The following EYS variants were observed in gnomAD, a reference collection of about 807,000 sequenced individuals.
EYS encodes the protein EGF-like photoreceptor maintenance factor.
A neutral mutation model predicts 282.1 loss-of-function variants in EYS; 250 were observed. The observed-to-expected ratio is 0.89, with a 90% CI of 0.80 to 0.98. The LOEUF is 0.98. EYS is among the 50% of genes least tolerant of loss of function. The pLI is 0.00. For missense variants in EYS, 4,016 were observed against 3,709.0 expected, an observed-to-expected ratio of 1.08 and a Z score of -2.15; for synonymous variants, 1,355 against 1,282.9, an observed-to-expected ratio of 1.06 and a Z score of -1.20.
intron 33 of EYS, among the ~76,000 whole-genome samples, chr6:64,005,179 T>C (rs1393556645): frequency 6.6e-6 from 1 of 152,232 alleles, no homozygotes; most frequent in African/African-American, 2.4e-5. Context: ...AGATGGTATC[T>C]CCTTGTGGTT....
At chr6:65,251,329 G>A (rs1291434495) in intron 12 of EYS, among the ~76,000 whole-genome samples, 2 of 151,434 alleles carry the variant, frequency 1.3e-5, no homozygotes, top group East Asian at 3.9e-4. Flanking sequence ...ATCAACGTAT[G>A]TAAAATAAAC....
intron 28 of EYS, among the ~76,000 whole-genome samples, chr6:64,417,059 T>A (rs73455406): frequency 6.6e-6 from 1 of 152,160 alleles, no homozygotes; most frequent in Admixed American, 6.6e-5. Flanking sequence ...GGTACTGCAA[T>A]AATAATGACA....
intron 12 of EYS, among the ~76,000 whole-genome samples, chr6:65,161,877 A>C: frequency 6.6e-6 from 1 of 151,272 alleles, no homozygotes; most frequent in Admixed American, 6.6e-5. Flanking sequence ...TAGGTCAAAC[A>C]TTCTAAAATC....
chr6:64,688,347 T>C (rs1770239494), intron 22 of EYS, among the ~76,000 whole-genome samples: 1 of 152,214 alleles, frequency 6.6e-6, no homozygotes, highest in Non-Finnish European at 1.5e-5. Context: ...TCCTGCTTTC[T>C]CTTATGGGCA....
intron 12 of EYS, among the ~76,000 whole-genome samples, chr6:65,215,092 C>T (rs1180470292): frequency 1.3e-5 from 2 of 152,084 alleles, no homozygotes; most frequent in African/African-American, 4.8e-5. Context: ...AACATTCATT[C>T]TGCAGTCCAT....
intron 36 of EYS, among the ~76,000 whole-genome samples, chr6:63,846,288 G>T (rs1210147095): frequency 1.3e-5 from 2 of 152,202 alleles, no homozygotes; most frequent in South Asian, 2.1e-4. Flanking sequence ...AGCCCCCTTT[G>T]GTGTTTGCTG....
At chr6:64,564,461 T>C (rs1028727051) in intron 26 of EYS, among the ~76,000 whole-genome samples, 14 of 151,454 alleles carry the variant, frequency 9.2e-5, no homozygotes, top group Non-Finnish European at 1.9e-4. Context: ...ATTATTATTT[T>C]TAATAGAGAA....
chr6:64,418,131 C>G (rs1386918878), intron 28 of EYS, among the ~76,000 whole-genome samples: 1 of 151,954 alleles, frequency 6.6e-6, no homozygotes, highest in Admixed American at 6.6e-5. Flanking sequence ...AGTTCCCTAC[C>G]CAACTCTTCC....
chr6:64,323,573 T>C (rs1368523551), intron 29 of EYS, among the ~76,000 whole-genome samples: 1 of 152,124 alleles, frequency 6.6e-6, no homozygotes, highest in African/African-American at 2.4e-5. Context: ...TGTGATATAT[T>C]TGGGTTCATG....
intron 35 of EYS, among the ~76,000 whole-genome samples, chr6:63,957,453 C>T (rs1000869852): frequency 7.1e-6 from 1 of 140,314 alleles, no homozygotes; most frequent in African/African-American, 2.4e-5. Flanking sequence ...TTTGGGGTTA[C>T]AAATACATTT....
chr6:64,909,708 C>T (rs1479213677), intron 16 of EYS, among the ~76,000 whole-genome samples: 1 of 151,812 alleles, frequency 6.6e-6, no homozygotes, highest in African/African-American at 2.4e-5. Context: ...CTTAACTATA[C>T]CGATAATTTT....
At chr6:64,603,254 C>T (rs1330327856) in intron 24 of EYS, among the ~76,000 whole-genome samples, 1 of 151,996 alleles carries the variant, frequency 6.6e-6, no homozygotes, top group African/African-American at 2.4e-5. Context: ...TCCTCTTCCC[C>T]CACTTCTACT....
At chr6:64,244,055 T>C (rs1766925884) in intron 30 of EYS, among the ~76,000 whole-genome samples, 1 of 152,194 alleles carries the variant, frequency 6.6e-6, no homozygotes, top group Non-Finnish European at 1.5e-5. Flanking sequence ...TAAAAACTAT[T>C]AGAAAATTCA....
chr6:64,944,987 AC>A (rs199571512), intron 15 of EYS, among the ~76,000 whole-genome samples: 6,174 of 151,834 alleles, frequency 0.041, 146 homozygotes, highest in South Asian at 0.092. Context: ...CCTTATTATC[AC>A]CCTGCCCTCC....
At chr6:64,490,849 T>A (rs566642048) in intron 26 of EYS, among the ~76,000 whole-genome samples, 2 of 150,886 alleles carry the variant, frequency 1.3e-5, no homozygotes, top group Non-Finnish European at 3.0e-5. Context: ...ATATAAAGCA[T>A]CAGTTTTTAC....
At chr6:65,522,505 A>C (rs1047529141) in intron 2 of EYS, among the ~76,000 whole-genome samples, 2 of 151,920 alleles carry the variant, frequency 1.3e-5, no homozygotes, top group African/African-American at 2.4e-5. Flanking sequence ...TGGGGTGGAG[A>C]TGGGTTGTTT....
Position 63,788,204 on chromosome 6 carries a change from C to T in EYS, c.7624G>A (p.Val2542Ile). The T allele has an allele frequency of 1.3e-6, 2 of 1,546,942 alleles. No individual in the cohort carries two copies. The highest frequency in any genetic ancestry group is 1.7e-6 in the Non-Finnish European group (2 of 1,144,936). ...AACTGACTGAAGACATTGAGACCAA[C>T]CAGTCTTCCTGGGGCGATAATGGAT... ...NKSIIAPGRL[V>I]GLNVFSQFYV... is the part of the protein sequence containing the mutation. Residue 2542 changes from valine (V) to isoleucine (I), a missense_variant, in exon 39 of 43, where the codon GTT (valine) becomes ATT (isoleucine). By Grantham distance (29) the Val-to-Ile change is conservative. Coordinates refer to ENST00000503581, the MANE Select transcript of EYS (RefSeq NM_001142800.2).
intron 26 of EYS, among the ~76,000 whole-genome samples, chr6:64,545,694 T>C (rs1379428141): frequency 6.6e-6 from 1 of 152,170 alleles, no homozygotes; most frequent in African/African-American, 2.4e-5. Context: ...AAAATCAATG[T>C]GCAAAAATCA....
chr6:65,181,378 C>T (rs547233877), intron 12 of EYS, among the ~76,000 whole-genome samples: 15 of 152,132 alleles, frequency 9.9e-5, no homozygotes, highest in Non-Finnish European at 1.8e-4. Flanking sequence ...ACAAACAACC[C>T]TATCAAAAAA....
Sources: allele counts gnomAD v4.1 joint callset (sites outside exome capture counted in the v4.1 genomes callset), GRCh38; gene constraint gnomAD v4.1.1; transcripts MANE v1.5; gene names NCBI Gene and HGNC (gene_info 2026-07-23, HGNC 2026-07-21).